Variants in RAD51 observed in about 807,000 individuals in gnomAD.
The protein encoded by RAD51 is RAD51 recombinase, also known as DNA repair protein RAD51 homolog 1.
Under a neutral mutation model 41.5 loss-of-function variants are expected in RAD51, and 14 were observed. The ratio of observed to expected loss-of-function variants is 0.34; its 90% confidence interval spans 0.22 to 0.53. The LOEUF (loss-of-function observed/expected upper bound fraction) is 0.53. RAD51 is among the 20% of genes least tolerant of loss of function. The pLI, the probability that RAD51 is intolerant of heterozygous loss-of-function variation, is 0.95. For synonymous variants in RAD51, 136 were observed against 148.6 expected (o/e 0.92, Z 0.62); for missense variants, 234 against 422.0 (o/e 0.55, Z 3.90).
chr15:40,700,971 C>T (rs1894951162), intron 2 of RAD51, 93 bp from the exon 3 acceptor site: 7 of 1,009,810 alleles, frequency 6.9e-6, no homozygotes, highest in Non-Finnish European at 1.0e-5. Context: ...TACAAGTCTT[C>T]AAGCACCTCT....
At position 40,698,687 on chromosome 15, in the gene RAD51, A is replaced by C. The variant is rs1894804500; in HGVS notation, c.-2-70A>C. On this transcript the variant is annotated intron_variant, in intron 1 of 9. Transcript: ENST00000267868. The stretch of plus-strand genomic sequence containing the variant: ...AAGTCTTTTTGATACGACTAGCTAG[A>C]TAGAAGATGGGGAGAGAGATGCACC... 8 of 1,414,190 alleles carry C rather than the reference A, an allele frequency of 5.7e-6. No individual in the cohort carries two copies. The South Asian group carries it at 8.1e-5, about 14-fold the overall frequency. 87.6% of individuals were successfully genotyped at this position (1,414,190 alleles called of 1,614,324 possible).
chr15:40,707,176 T>TTTTTTG (rs1895401618), intron 4 of RAD51, among the ~76,000 whole-genome samples: 1 of 147,122 alleles, frequency 6.8e-6, no homozygotes, highest in Non-Finnish European at 1.5e-5. Context: ...TTTTTTTTTT[T>TTTTTTG]GAGTCGGGGC....
At chr15:40,721,057 C>A (rs1406129890) in intron 6 of RAD51, among the ~76,000 whole-genome samples, 6 of 152,182 alleles carry the variant, frequency 3.9e-5, no homozygotes, top group Non-Finnish European at 8.8e-5. Flanking sequence ...TGGCACACTG[C>A]CTGTAGTCTG....
chr15:40,730,802 G>C (rs904606881), intron 9 of RAD51, among the ~76,000 whole-genome samples: 1 of 151,878 alleles, frequency 6.6e-6, no homozygotes, highest in South Asian at 2.1e-4. Context: ...GATTACAGGC[G>C]TGAGCCACCA....
chr15:40,697,976 G>A (rs560382724), intron 1 of RAD51, among the ~76,000 whole-genome samples: 61 of 151,986 alleles, frequency 4.0e-4, no homozygotes, highest in Non-Finnish European at 6.3e-4. Context: ...CAAAATACTC[G>A]CTTCTGGCTA....
chr15:40,707,754 G>A (rs1895443847), intron 4 of RAD51, among the ~76,000 whole-genome samples: 1 of 152,042 alleles, frequency 6.6e-6, no homozygotes, highest in African/African-American at 2.4e-5. Context: ...GTCTTGCTCT[G>A]TTGCCCAGGC....
intron 6 of RAD51, among the ~76,000 whole-genome samples, chr15:40,719,130 T>A (rs1004123472): frequency 6.6e-6 from 1 of 151,188 alleles, no homozygotes; most frequent in Non-Finnish European, 1.5e-5. Flanking sequence ...TGATCTCAGG[T>A]CACTGCAACC....
At chr15:40,694,812 G>C (rs932875416), upstream of RAD51, 5 of 152,176 alleles carry the variant, frequency 3.3e-5, no homozygotes, top group Non-Finnish European at 7.3e-5. Context: ...AACAGAAGAC[G>C]GCAACTCGGT....
intron 5 of RAD51, 43 bp from the exon 6 acceptor site, chr15:40,718,762 G>T (rs1567048451): frequency 1.3e-6 from 2 of 1,502,702 alleles, no homozygotes; most frequent in Non-Finnish European, 1.9e-6. Context: ...AGCTGTATCA[G>T]AAATACAATG....
In RAD51 at chr15:40,729,981, T is replaced by C. The variant is rs1284227691; in HGVS notation, c.896+7T>C. ...CCCATGCATCAACAACCAGGTAAGG[T>C]GTTGATGGGATCAGTTCTTCTTTTC... On this transcript the variant is annotated splice_region_variant and intron_variant, in intron 9 of 9. Transcript: ENST00000267868. 1 of 1,613,826 alleles carries C rather than the reference T, an allele frequency of 6.2e-7. No individual in the cohort carries two copies. Among genetic ancestry groups the C allele is most frequent in the Non-Finnish European group, 8.5e-7 (1 of 1,179,802 alleles).
chr15:40,724,664 T>G (rs1482887866), intron 6 of RAD51, among the ~76,000 whole-genome samples: 1 of 137,642 alleles, frequency 7.3e-6, no homozygotes, highest in Non-Finnish European at 1.6e-5. Flanking sequence ...CCCAGCTAAT[T>G]TTTTTATTTC....
At chr15:40,705,705 C>T (rs762188818) in intron 3 of RAD51, among the ~76,000 whole-genome samples, 4 of 152,060 alleles carry the variant, frequency 2.6e-5, no homozygotes, top group Non-Finnish European at 2.9e-5. Context: ...CCCGGGTTCA[C>T]GCCTTTCTCC....
rs938761449 is a variant in RAD51 at position 40,719,057 on chromosome 15, C to CT, written c.530+172dup. On this transcript the variant is annotated intron_variant, in intron 6 of 9. Coordinates refer to ENST00000267868, the MANE Select transcript of RAD51 (RefSeq NM_002875.5). ...GACTTCCTTAGTAGAAAAAGGCATT[C>CT]TTTTTTTTTTTTTTCTTCAGATGGA... Among the ~76,000 whole-genome samples, 336 of 144,692 alleles carry CT rather than the reference C, an allele frequency of 2.3e-3. No individual in the cohort carries two copies. Among genetic ancestry groups the CT allele is most frequent in the Middle Eastern group, 3.7e-3 (1 of 270 alleles). 94.9% of individuals were successfully genotyped at this position (144,692 alleles called of 152,430 possible).
chr15:40,721,974 C>G (rs1359609793), intron 6 of RAD51, among the ~76,000 whole-genome samples: 1 of 152,220 alleles, frequency 6.6e-6, no homozygotes, highest in African/African-American at 2.4e-5. Flanking sequence ...AATGAAATAT[C>G]ATTTTAGCCT....
intron 6 of RAD51, among the ~76,000 whole-genome samples, chr15:40,724,116 G>A (rs1188175924): frequency 6.6e-6 from 1 of 152,144 alleles, no homozygotes; most frequent in Non-Finnish European, 1.5e-5. Flanking sequence ...TACCACTGAA[G>A]CATAAAATTA....
intron 3 of RAD51, among the ~76,000 whole-genome samples, chr15:40,702,924 G>C (rs1895093465): frequency 6.6e-6 from 1 of 151,874 alleles, no homozygotes; most frequent in South Asian, 2.1e-4. Context: ...CAAACTCCTG[G>C]GCTCAAGGAA....
At chr15:40,697,574 C>CTTTTTTTTTT (rs11340353) in intron 1 of RAD51, among the ~76,000 whole-genome samples, 1 of 105,516 alleles carries the variant, frequency 9.5e-6, no homozygotes, top group Non-Finnish European at 1.8e-5. Context: ...GATGATATTT[C>CTTTTTTTTTT]TTTTTTTTTT....
intron 5 of RAD51, among the ~76,000 whole-genome samples, chr15:40,712,083 A>G (rs1895734660): frequency 6.6e-6 from 1 of 151,948 alleles, no homozygotes; most frequent in Admixed American, 6.6e-5. Flanking sequence ...ATCTCAAAAA[A>G]AAAAAAAAAA....
chr15:40,695,201 C>G lies in RAD51; in HGVS notation c.-227C>G, dbSNP rs1283810206. Reference sequence around the variant, plus strand: ...TTCTGAAAGCCGCTGGCGGACCGCGCGCAGCGGCCAGAGACCGAGCCCTAA... The same window carrying G: ...TTCTGAAAGCCGCTGGCGGACCGCGGGCAGCGGCCAGAGACCGAGCCCTAA... On this transcript the variant is annotated 5_prime_UTR_variant, in exon 1 of 10. Coordinates refer to ENST00000267868, the MANE Select transcript of RAD51 (RefSeq NM_002875.5). 1 of 152,246 alleles carries G rather than the reference C, an allele frequency of 6.6e-6. No individual in the cohort carries two copies. The highest frequency in any genetic ancestry group is 2.4e-5 in the African/African-American group (1 of 41,424). 9.4% of individuals were successfully genotyped at this position (152,246 alleles called of 1,614,324 possible).
Sources: gnomAD v4.1 joint callset for allele counts (sites outside exome capture counted in the v4.1 genomes callset) on GRCh38, gnomAD v4.1.1 for gene constraint, MANE v1.5 for transcripts, NCBI Gene and HGNC (gene_info 2026-07-23, HGNC 2026-07-21) for gene names.